The following GAPT variants were observed in gnomAD, a reference collection of about 807,000 sequenced individuals.
GAPT encodes the protein GRB2 binding adaptor protein, transmembrane.
For missense variants in GAPT, 206 were observed against 189.2 expected, an observed-to-expected ratio of 1.09 and a Z score of -0.52; for synonymous variants, 82 against 69.7, an observed-to-expected ratio of 1.18 and a Z score of -0.88.
chr5:58,491,676 C>A (rs1744262649), intron 1 of GAPT, 135 bp downstream of exon 1: 2 of 152,110 alleles, frequency 1.3e-5, no homozygotes, highest in Admixed American at 6.5e-5. Context: ...AAGGGGGAAA[C>A]CCAATTTACA....
chr5:58,492,143 C>G (rs2111762153), intron 1 of GAPT, among the ~76,000 whole-genome samples: 1 of 152,106 alleles, frequency 6.6e-6, no homozygotes, highest in East Asian at 1.9e-4. Flanking sequence ...GGTAAAAATG[C>G]CTTTTCTTCT....
rs1288921940 is a variant in GAPT, at chr5:58,496,546, T to G, written c.*1536T>G. 2 of 167,150 alleles carry G rather than the reference T, an allele frequency of 1.2e-5. No homozygotes were observed. The highest frequency in any genetic ancestry group is 1.5e-5 in the Non-Finnish European group (1 of 68,176). The allele number at this position is 167,150 out of a possible 1,614,324, so 10.4% of individuals were successfully genotyped here. A position where few individuals can be genotyped will look rare whatever the true frequency, so the allele number is the denominator to read the frequency against. ...GCTCATGAAGCTATGATAGCTCATCTCTAAATCCACTCTTTTATTTGCTCC... is the reference window on the plus strand; with the variant it reads ...GCTCATGAAGCTATGATAGCTCATCGCTAAATCCACTCTTTTATTTGCTCC... On this transcript the variant is annotated 3_prime_UTR_variant, in exon 3 of 3. Transcript: ENST00000502276.
At position 58,495,537 on chromosome 5, in the gene GAPT, C is replaced by T. The variant is rs918374153; in HGVS notation, c.*527C>T. On this transcript the variant is annotated 3_prime_UTR_variant, in exon 3 of 3. Coordinates refer to ENST00000502276, the MANE Select transcript of GAPT (RefSeq NM_001304431.2). ...TGATAAGTGGATGGTCTCTGCCTAT[C>T]TCCACCTTTCTGAATCCTATGTGTA... The T allele has an allele frequency of 1.7e-4, 28 of 167,754 alleles. No homozygotes were observed. The Admixed American group carries it at 1.7e-3, about 10-fold the overall frequency. 10.4% of individuals were successfully genotyped at this position (167,754 alleles called of 1,614,324 possible). A position where few individuals can be genotyped will look rare whatever the true frequency, so the allele number is the denominator to read the frequency against.
Position 58,496,976 on chromosome 5 carries a change from C to T in GAPT, c.*1966C>T, listed in dbSNP as rs1482467261. On this transcript the variant is annotated 3_prime_UTR_variant, in exon 3 of 3. Transcript: ENST00000502276. ...TCCTCTGAGGTCTGGTAACTCTCAGCCAAGATTGTTACAGTTACTATCTCT... is the reference window on the plus strand; with the variant it reads ...TCCTCTGAGGTCTGGTAACTCTCAGTCAAGATTGTTACAGTTACTATCTCT... 6.0e-6 allele frequency: 1 copy of T among 167,070 alleles called. No homozygotes were observed. The highest frequency in any genetic ancestry group is 1.5e-5 in the Non-Finnish European group (1 of 68,134). 10.3% of individuals were successfully genotyped at this position (167,070 alleles called of 1,614,324 possible).
chr5:58,495,324 A>G lies in GAPT; in HGVS notation c.*314A>G, dbSNP rs1744418188. ...GTGGAAGGAGGGAGAGGTTCAGGGA[A>G]AAAAAAAATATCAGGTACTATGCTT... On this transcript the variant is annotated 3_prime_UTR_variant, in exon 3 of 3. Coordinates refer to ENST00000502276, the MANE Select transcript of GAPT (RefSeq NM_001304431.2). 7.5e-6 allele frequency: 2 copies of G among 267,150 alleles called. No individual in the cohort carries two copies. Among genetic ancestry groups the G allele is most frequent in the Non-Finnish European group, 1.4e-5 (2 of 142,584 alleles). 16.5% of individuals were successfully genotyped at this position (267,150 alleles called of 1,614,324 possible).
intron 2 of GAPT, 105 bp from the exon 3 acceptor site, chr5:58,494,142 T>C (rs1744353629): frequency 6.1e-6 from 1 of 164,960 alleles, no homozygotes; most frequent in African/African-American, 2.4e-5. Flanking sequence ...TTTTAATTTA[T>C]AGCAGGTTTC....
chr5:58,492,337 T>G (rs1276077531), intron 1 of GAPT, among the ~76,000 whole-genome samples: 1 of 152,194 alleles, frequency 6.6e-6, no homozygotes, highest in African/African-American at 2.4e-5. Flanking sequence ...AAATAACTTC[T>G]TAAATCATTA....
At chr5:58,493,898 A>G (rs1397677074) in intron 2 of GAPT, 60 bp downstream of exon 2, 1 of 152,190 alleles carries the variant, frequency 6.6e-6, no homozygotes, top group African/African-American at 2.4e-5. Flanking sequence ...TGCTCAGAAC[A>G]TTATCTTTCA....
rs991580887 is a variant in GAPT, at chr5:58,495,768, G to A, written c.*758G>A. Reference sequence around the variant, plus strand: ...GTTTCTACCCACTCAATCAATTACCGATGGTGTTGCCAGATTTATCTTCAG... The same window carrying A: ...GTTTCTACCCACTCAATCAATTACCAATGGTGTTGCCAGATTTATCTTCAG... On this transcript the variant is annotated 3_prime_UTR_variant, in exon 3 of 3. Transcript: ENST00000502276. 1.2e-5 allele frequency: 2 copies of A among 166,264 alleles called. No individual in the cohort carries two copies. Among genetic ancestry groups the A allele is most frequent in the African/African-American group, 2.4e-5 (1 of 41,400 alleles). 10.3% of individuals were successfully genotyped at this position (166,264 alleles called of 1,614,324 possible). A position where few individuals can be genotyped will look rare whatever the true frequency, so the allele number is the denominator to read the frequency against.
At chr5:58,494,055 C>T (rs539251547) in intron 2 of GAPT, 192 bp from the exon 3 acceptor site, 1 of 152,786 alleles carries the variant, frequency 6.5e-6, no homozygotes, top group Non-Finnish European at 1.5e-5. Flanking sequence ...CAGAAGCTCA[C>T]TATATGCTGG....
intron 1 of GAPT, among the ~76,000 whole-genome samples, chr5:58,491,875 T>G (rs1744267745): frequency 6.6e-6 from 1 of 152,212 alleles, no homozygotes; most frequent in Non-Finnish European, 1.5e-5. Context: ...AGAGTCTTCT[T>G]TCAAACTGGT....
rs1744448107 is a variant in GAPT, at chr5:58,496,290, A to G, written c.*1280A>G. ...AATGCCTCATGTTTTACTGACGGGAATTGAATTGTACATTTTGCTGAGTAG... is the reference window on the plus strand; with the variant it reads ...AATGCCTCATGTTTTACTGACGGGAGTTGAATTGTACATTTTGCTGAGTAG... On this transcript the variant is annotated 3_prime_UTR_variant, in exon 3 of 3. Transcript: ENST00000502276. The G allele has an allele frequency of 6.1e-6, 1 of 164,456 alleles. No individual in the cohort carries two copies. Among genetic ancestry groups the G allele is most frequent in the Non-Finnish European group, 1.5e-5 (1 of 68,104 alleles). 10.2% of individuals were successfully genotyped at this position (164,456 alleles called of 1,614,324 possible). A position where few individuals can be genotyped will look rare whatever the true frequency, so the allele number is the denominator to read the frequency against.
chr5:58,493,434 T>A (rs1199704077), intron 1 of GAPT, among the ~76,000 whole-genome samples: 1 of 152,212 alleles, frequency 6.6e-6, no homozygotes, highest in African/African-American at 2.4e-5. Flanking sequence ...TGAGAAAACC[T>A]GTGATACTAA....
rs182836147 is a variant in GAPT at position 58,495,337 on chromosome 5, A to G, written c.*327A>G. ...GAGGTTCAGGGAAAAAAAAAATATCAGGTACTATGCTTAGTACACACATGA... is the reference window on the plus strand; with the variant it reads ...GAGGTTCAGGGAAAAAAAAAATATCGGGTACTATGCTTAGTACACACATGA... On this transcript the variant is annotated 3_prime_UTR_variant, in exon 3 of 3. Coordinates refer to ENST00000502276, the MANE Select transcript of GAPT (RefSeq NM_001304431.2). 36 of 266,282 alleles carry G rather than the reference A, an allele frequency of 1.4e-4. 1 individual carries two copies. The highest frequency in any genetic ancestry group is 8.0e-4 in the African/African-American group (36 of 44,864). 16.5% of individuals were successfully genotyped at this position (266,282 alleles called of 1,614,324 possible).
rs142354911 is a variant in GAPT, at chr5:58,492,110, A to T, written c.-419+569A>T. Among the ~76,000 whole-genome samples the T allele has an allele frequency of 5.3e-3, 803 of 152,214 alleles. 1 individual carries two copies. Among genetic ancestry groups the T allele is most frequent in the Non-Finnish European group, 8.1e-3 (549 of 67,996 alleles). ...ATATTTTGGATGTACCAGAATTTCT[A>T]CTCTACATAGAATAACATAGATGGT... is the stretch of plus-strand genomic sequence containing the variant. On this transcript the variant is annotated intron_variant, in intron 1 of 2. Transcript: ENST00000502276.
chr5:58,494,874 A>G lies in GAPT; in HGVS notation c.338A>G (p.Glu113Gly). The change falls in exon 3 of 3, where the codon GAA (glutamate) becomes GGA (glycine). Residue 113 changes from glutamate (E) to glycine (G), a missense_variant. Physicochemically the swap from Glu to Gly is moderately conservative, Grantham distance 98. Coordinates refer to ENST00000502276, the MANE Select transcript of GAPT (RefSeq NM_001304431.2). Reference protein sequence around the residue: ...AKGKTDKELYENTGQSNFEEH... With the variant: ...AKGKTDKELYGNTGQSNFEEH... Reference sequence around the variant, plus strand: ...GGAAAAACCGATAAGGAACTATATGAAAACACAGGGCAGTCTAATTTCGAG... The same window carrying G: ...GGAAAAACCGATAAGGAACTATATGGAAACACAGGGCAGTCTAATTTCGAG... 6.2e-7 allele frequency: 1 copy of G among 1,614,028 alleles called. No individual in the cohort carries two copies. The highest frequency in any genetic ancestry group is 8.5e-7 in the Non-Finnish European group (1 of 1,179,930).
In GAPT at chr5:58,495,047, A is replaced by C. The variant is rs766481762; in HGVS notation, c.*37A>C. The C allele has an allele frequency of 2.4e-5, 32 of 1,326,102 alleles. No homozygotes were observed. The highest frequency in any genetic ancestry group is 3.2e-5 in the Non-Finnish European group (30 of 947,958). 82.1% of individuals were successfully genotyped at this position (1,326,102 alleles called of 1,614,324 possible). A position where few individuals can be genotyped will look rare whatever the true frequency, so the allele number is the denominator to read the frequency against. ...ATTGACTTTTGTTATTGGATGATAAATATTCACTGTAATTTTTCAACAGCA... is the reference window on the plus strand; with the variant it reads ...ATTGACTTTTGTTATTGGATGATAACTATTCACTGTAATTTTTCAACAGCA... On this transcript the variant is annotated 3_prime_UTR_variant, in exon 3 of 3. Coordinates refer to ENST00000502276, the MANE Select transcript of GAPT (RefSeq NM_001304431.2).
chr5:58,494,706 G>C lies in GAPT; in HGVS notation c.170G>C (p.Cys57Ser). The C allele has an allele frequency of 1.2e-6, 2 of 1,614,004 alleles. No homozygotes were observed. Among genetic ancestry groups the C allele is most frequent in the Non-Finnish European group, 1.7e-6 (2 of 1,179,972 alleles). The part of the protein sequence containing the change: ...LQRRSSRRKV[C>S]TKTFLGPRII... ...AGGAGAAGCAGCAGGAGAAAAGTCT[G>C]TACTAAAACATTCTTGGGCCCCCGC... The change falls in exon 3 of 3, where the codon TGT becomes TCT. Residue 57 changes from cysteine to serine, a missense_variant. Transcript: ENST00000502276.
rs1014663276 is a variant in GAPT at position 58,495,964 on chromosome 5, C to A, written c.*954C>A. ...TTACTATCTCTCATTTCTTTGCCTTCAGCAGAATCATCTTAAAACCTGCCA... is the reference window on the plus strand; with the variant it reads ...TTACTATCTCTCATTTCTTTGCCTTAAGCAGAATCATCTTAAAACCTGCCA... On this transcript the variant is annotated 3_prime_UTR_variant, in exon 3 of 3. Coordinates refer to ENST00000502276, the MANE Select transcript of GAPT (RefSeq NM_001304431.2). The A allele has an allele frequency of 1.1e-4, 18 of 167,070 alleles. No individual in the cohort carries two copies. The highest frequency in any genetic ancestry group is 1.5e-4 in the Non-Finnish European group (10 of 68,118). 10.3% of individuals were successfully genotyped at this position (167,070 alleles called of 1,614,324 possible). A position where few individuals can be genotyped will look rare whatever the true frequency, so the allele number is the denominator to read the frequency against.
Sources: gnomAD v4.1 joint callset for allele counts (sites outside exome capture counted in the v4.1 genomes callset) on GRCh38, gnomAD v4.1.1 for gene constraint, MANE v1.5 for transcripts, NCBI Gene and HGNC (gene_info 2026-07-23, HGNC 2026-07-21) for gene names.